Variants in TNS1 observed in about 807,000 individuals in gnomAD.
TNS1 encodes the protein tensin-1.
In TNS1, 62 loss-of-function variants were observed where a neutral mutation model predicts 168.6. The ratio of observed to expected loss-of-function variants is 0.37; its 90% CI spans 0.30 to 0.45. The LOEUF is 0.45. Ranked by LOEUF, TNS1 falls within the 20% of genes least tolerant of loss-of-function variation. The pLI is 1.00. For missense variants in TNS1, 2,240 were observed against 2,339.4 expected (o/e 0.96, Z 0.88); for synonymous variants, 934 against 933.2 (o/e 1.00, Z -0.02).
intron 3 of TNS1, among the ~76,000 whole-genome samples, chr2:217,971,687 C>G (rs1957776792): frequency 6.6e-6 from 1 of 152,178 alleles, no homozygotes; most frequent in Non-Finnish European, 1.5e-5. Flanking sequence ...ACATTCCCAC[C>G]ACTGGTTACC....
intron 23 of TNS1, 135 bp from the exon 24 acceptor site, chr2:217,818,894 G>A (rs1942375190): frequency 1.4e-6 from 1 of 708,336 alleles, no homozygotes; most frequent in Non-Finnish European, 2.3e-6. Flanking sequence ...AAGGACATCA[G>A]GGTTTTATAC....
At chr2:217,997,602 T>C (rs1404964518) in intron 1 of TNS1, among the ~76,000 whole-genome samples, 3 of 152,232 alleles carry the variant, frequency 2.0e-5, no homozygotes, top group Non-Finnish European at 4.4e-5. Context: ...TCGCTCTTTC[T>C]TTGAGCCTAC....
At chr2:217,892,894 AG>A in intron 11 of TNS1, 53 bp downstream of exon 11, 1 of 1,574,776 alleles carries the variant, frequency 6.4e-7, no homozygotes, top group South Asian at 1.1e-5. Flanking sequence ...GGATGAGAGG[AG>A]GGGGGTCACA....
At chr2:217,892,403 T>C (rs1207591502) in intron 11 of TNS1, among the ~76,000 whole-genome samples, 1 of 152,242 alleles carries the variant, frequency 6.6e-6, no homozygotes, top group Non-Finnish European at 1.5e-5. Context: ...CGCCCAGCCA[T>C]ATTCCTTGTT....
intron 3 of TNS1, among the ~76,000 whole-genome samples, chr2:217,924,178 A>G (rs76714385): frequency 0.012 from 1,834 of 152,198 alleles, 45 homozygotes; most frequent in African/African-American, 0.041. Context: ...CTGTGAGTAC[A>G]CAGTTCCCTC....
intron 22 of TNS1, 91 bp from the exon 23 acceptor site, chr2:217,822,029 T>C (rs889759868): frequency 9.1e-6 from 12 of 1,315,538 alleles, no homozygotes; most frequent in Middle Eastern, 1.9e-4. Context: ...CACAGCTTCC[T>C]GGACTCCTGC....
chr2:217,847,932 G>A lies in TNS1; in HGVS notation c.2585C>T (p.Ala862Val), dbSNP rs1946892009. ...GGAGAGTGGAGAAGCCCCTGGCCAG[G>A]CCCCGGGGACACTCTGGGACTTGTG... ...PLHKSQSVPG[A>V]WPGASPLSSQ... is the part of the protein sequence containing the mutation. The change falls in exon 19 of 33, where the codon GCC (alanine) becomes GTC (valine). Residue 862 changes from alanine (A) to valine (V), a missense_variant. Transcript: ENST00000682258. The A allele has an allele frequency of 6.6e-7, 1 of 1,520,134 alleles. No homozygotes were observed. Among genetic ancestry groups the A allele is most frequent in the African/African-American group, 1.4e-5 (1 of 72,460 alleles). 94.2% of individuals were successfully genotyped at this position (1,520,134 alleles called of 1,614,324 possible).
At chr2:217,904,654 A>C (rs913224300) in intron 6 of TNS1, among the ~76,000 whole-genome samples, 7 of 152,210 alleles carry the variant, frequency 4.6e-5, no homozygotes, top group African/African-American at 1.7e-4. Context: ...TCTTCTAAAA[A>C]AAGCCAAAGA....
chr2:217,945,565 T>A (rs1957083214), intron 3 of TNS1, among the ~76,000 whole-genome samples: 1 of 152,122 alleles, frequency 6.6e-6, no homozygotes, highest in Non-Finnish European at 1.5e-5. Context: ...GGAAAGAGGG[T>A]CTGGGTTCTG....
chr2:217,820,762 C>T (rs1184437294), intron 23 of TNS1, among the ~76,000 whole-genome samples: 5 of 152,146 alleles, frequency 3.3e-5, no homozygotes, highest in Non-Finnish European at 7.4e-5. Context: ...CCTCCACCTT[C>T]ACCCCCACTA....
chr2:217,840,549 A>G (rs765164892), intron 19 of TNS1, among the ~76,000 whole-genome samples: 59 of 152,220 alleles, frequency 3.9e-4, no homozygotes, highest in Non-Finnish European at 7.1e-4. Context: ...CAGGACCCCA[A>G]CCCAGGGCTT....
rs1168013060 is a variant in TNS1 at position 217,830,398 on chromosome 2, A to T, written c.3373+1057T>A. 3.7e-6 allele frequency: 6 copies of T among 1,614,102 alleles called. No homozygotes were observed. The South Asian group carries it at 5.5e-5, about 15-fold the overall frequency. On this transcript the variant is annotated intron_variant, in intron 22 of 32. Coordinates refer to ENST00000682258, the MANE Select transcript of TNS1 (RefSeq NM_001387777.1). ...GGATCCGTCTTCTGGTAACTAAGGA[A>T]AAAAGTAAAGTTGACCCCAATAGCC...
At chr2:217,904,788 G>A (rs929676368) in intron 6 of TNS1, among the ~76,000 whole-genome samples, 12 of 152,340 alleles carry the variant, frequency 7.9e-5, no homozygotes, top group African/African-American at 2.9e-4. Flanking sequence ...CTAGTTGACG[G>A]GATCCATCTG....
chr2:217,840,031 G>A (rs1390383407), intron 19 of TNS1, among the ~76,000 whole-genome samples: 1 of 152,248 alleles, frequency 6.6e-6, no homozygotes, highest in Non-Finnish European at 1.5e-5. Flanking sequence ...GCTGAGAGAA[G>A]GGCAGAGGAA....
intron 4 of TNS1, among the ~76,000 whole-genome samples, chr2:217,916,328 A>T (rs116284001): frequency 6.6e-6 from 1 of 150,592 alleles, no homozygotes; most frequent in African/African-American, 2.5e-5. Context: ...CAGACCTCCA[A>T]GTCATTCTAC....
At chr2:217,942,721 A>T (rs1486730594) in intron 3 of TNS1, among the ~76,000 whole-genome samples, 4 of 151,806 alleles carry the variant, frequency 2.6e-5, no homozygotes, top group Admixed American at 6.6e-5. Context: ...GTCTCCAAAG[A>T]CCCTGGCACC....
In TNS1 at chr2:217,990,996, T is replaced by C; in HGVS notation, c.94A>G (p.Lys32Glu). Reference sequence around the variant, plus strand: ...ACCTGGCGGCAGATCCCACAGGGCTTCACCTTCTTGAAGGTCTTCACCTTG... The same window carrying C: ...ACCTGGCGGCAGATCCCACAGGGCTCCACCTTCTTGAAGGTCTTCACCTTG... Reference protein sequence around the residue: ...RFKVKTFKKVKPCGICRQVIT... With the variant: ...RFKVKTFKKVEPCGICRQVIT... The change falls in exon 2 of 33, where the codon AAG becomes GAG. Residue 32 changes from lysine to glutamate, a missense_variant. Transcript: ENST00000682258. The C allele has an allele frequency of 2.9e-6, 2 of 695,788 alleles. No homozygotes were observed. Among genetic ancestry groups the C allele is most frequent in the Non-Finnish European group, 5.3e-6 (2 of 379,664 alleles). 43.1% of individuals were successfully genotyped at this position (695,788 alleles called of 1,614,324 possible). A position where few individuals can be genotyped will look rare whatever the true frequency, so the allele number is the denominator to read the frequency against.
chr2:217,893,882 C>G (rs1176243308), intron 9 of TNS1, among the ~76,000 whole-genome samples: 2 of 152,224 alleles, frequency 1.3e-5, no homozygotes, highest in Non-Finnish European at 2.9e-5. Flanking sequence ...AAAAGAAAGG[C>G]TTGGAGCTGA....
At chr2:217,838,361 C>G (rs1402976059) in intron 19 of TNS1, among the ~76,000 whole-genome samples, 1 of 152,204 alleles carries the variant, frequency 6.6e-6, no homozygotes, top group African/African-American at 2.4e-5. Context: ...GCTTGGGGTG[C>G]AGGGGGCACC....
Sources: gnomAD v4.1 joint callset for allele counts (sites outside exome capture counted in the v4.1 genomes callset) on GRCh38, gnomAD v4.1.1 for gene constraint, MANE v1.5 for transcripts, NCBI Gene and HGNC (gene_info 2026-07-23, HGNC 2026-07-21) for gene names.